The following RAMP1 variants were observed in gnomAD, a reference collection of about 807,000 sequenced individuals.
RAMP1 encodes the protein receptor activity modifying protein 1.
RAMP1 carries 7 observed loss-of-function variants against 8.2 expected under a neutral mutation model. That is an observed-to-expected ratio of 0.85 (90% CI 0.49 to 1.60). The LOEUF (loss-of-function observed/expected upper bound fraction) is 1.60. RAMP1 is among the 40% of genes most tolerant of loss of function. The pLI is 0.00. For missense variants in RAMP1, 192 were observed against 202.4 expected (o/e 0.95, Z 0.31); for synonymous variants, 92 against 84.7 (o/e 1.09, Z -0.47).
chr2:237,880,237 G>C (rs913653895), intron 2 of RAMP1, among the ~76,000 whole-genome samples: 22 of 152,184 alleles, frequency 1.4e-4, no homozygotes, highest in African/African-American at 5.3e-4. Flanking sequence ...GGAGATGCGG[G>C]ATCATCCCGG....
chr2:237,859,191 C>A (rs1010412778), upstream of RAMP1: 4 of 152,332 alleles, frequency 2.6e-5, no homozygotes, highest in Non-Finnish European at 5.9e-5. Flanking sequence ...TTTTGCCCCC[C>A]ACGCTCCCCA....
At chr2:237,899,497 G>A (rs1037045139) in intron 2 of RAMP1, among the ~76,000 whole-genome samples, 6 of 152,166 alleles carry the variant, frequency 3.9e-5, no homozygotes, top group South Asian at 2.1e-4. Flanking sequence ...TTAAAATGAC[G>A]GTACATTTTT....
intron 2 of RAMP1, among the ~76,000 whole-genome samples, chr2:237,892,276 CTTT>C (rs201847138): frequency 3.7e-5 from 5 of 134,360 alleles, no homozygotes; most frequent in Non-Finnish European, 6.2e-5. Context: ...TTCTTTCTTT[CTTT>C]TTTTTTTTTT....
chr2:237,863,072 C>T (rs1559933360), intron 1 of RAMP1, among the ~76,000 whole-genome samples: 2 of 152,130 alleles, frequency 1.3e-5, no homozygotes, highest in African/African-American at 4.8e-5. Flanking sequence ...CAGGGGGCTC[C>T]GAGAATGGCG....
At chr2:237,909,303 A>G (rs1484435028) in intron 2 of RAMP1, among the ~76,000 whole-genome samples, 2 of 152,154 alleles carry the variant, frequency 1.3e-5, no homozygotes, top group Non-Finnish European at 2.9e-5. Flanking sequence ...CTGTCTACAA[A>G]ACAATGGGTA....
In RAMP1 at chr2:237,911,953, C is replaced by A; in HGVS notation, c.*170C>A. 1.7e-6 allele frequency: 2 copies of A among 1,174,992 alleles called. No homozygotes were observed. Among genetic ancestry groups the A allele is most frequent in the Non-Finnish European group, 2.3e-6 (2 of 863,316 alleles). 72.8% of individuals were successfully genotyped at this position (1,174,992 alleles called of 1,614,324 possible). Reference sequence around the variant, plus strand: ...GAGTAGCCGAGGCTCTGGTATTAACCTGGAAGCCCCCCTGGCTGGAGGCCA... The same window carrying A: ...GAGTAGCCGAGGCTCTGGTATTAACATGGAAGCCCCCCTGGCTGGAGGCCA... On this transcript the variant is annotated 3_prime_UTR_variant, in exon 3 of 3. Transcript: ENST00000254661.
chr2:237,906,055 T>C (rs2062648073), intron 2 of RAMP1, among the ~76,000 whole-genome samples: 1 of 149,370 alleles, frequency 6.7e-6, no homozygotes, highest in Admixed American at 6.7e-5. Context: ...TGTTTAGCCC[T>C]GTAGTTGAGA....
At chr2:237,887,846 G>A (rs1004468662) in intron 2 of RAMP1, among the ~76,000 whole-genome samples, 4 of 152,192 alleles carry the variant, frequency 2.6e-5, no homozygotes, top group Non-Finnish European at 4.4e-5. Flanking sequence ...TGGGAGGATC[G>A]CCTCGGCCCA....
At chr2:237,885,673 C>T (rs1467450122) in intron 2 of RAMP1, among the ~76,000 whole-genome samples, 2 of 152,184 alleles carry the variant, frequency 1.3e-5, no homozygotes, top group African/African-American at 2.4e-5. Flanking sequence ...GGCCGCCCTC[C>T]CTGCCTACTG....
chr2:237,880,543 C>T (rs959021664), intron 2 of RAMP1, among the ~76,000 whole-genome samples: 3 of 152,148 alleles, frequency 2.0e-5, no homozygotes, highest in Non-Finnish European at 2.9e-5. Flanking sequence ...ATGGAACCCA[C>T]GGAACCATAC....
At chr2:237,897,367 T>A (rs2062551683) in intron 2 of RAMP1, among the ~76,000 whole-genome samples, 1 of 152,206 alleles carries the variant, frequency 6.6e-6, no homozygotes, top group Non-Finnish European at 1.5e-5. Flanking sequence ...GGCTGGCCAT[T>A]TTCTCCGGCT....
At chr2:237,863,874 C>T (rs1267461234) in intron 1 of RAMP1, among the ~76,000 whole-genome samples, 1 of 151,636 alleles carries the variant, frequency 6.6e-6, no homozygotes, top group Non-Finnish European at 1.5e-5. Flanking sequence ...CCCAAAACCC[C>T]AGGCCCCGGC....
At chr2:237,874,395 G>C (rs1304553953) in intron 1 of RAMP1, among the ~76,000 whole-genome samples, 1 of 152,232 alleles carries the variant, frequency 6.6e-6, no homozygotes, top group Non-Finnish European at 1.5e-5. Context: ...ACGGGGACTG[G>C]CTCTGCAGGG....
intron 2 of RAMP1, among the ~76,000 whole-genome samples, chr2:237,902,698 C>G (rs1192103265): frequency 6.6e-6 from 1 of 152,324 alleles, no homozygotes; most frequent in South Asian, 2.1e-4. Context: ...AGGGTCCCAG[C>G]CCTGCCTGCA....
At chr2:237,902,306 G>A (rs1281348480) in intron 2 of RAMP1, among the ~76,000 whole-genome samples, 1 of 147,998 alleles carries the variant, frequency 6.8e-6, no homozygotes, top group Non-Finnish European at 1.5e-5. Flanking sequence ...GGAGGAGGAG[G>A]GGCTGGGAGG....
rs563852512 is a variant in RAMP1, at chr2:237,877,491, G to T, written c.191+129G>T. On this transcript the variant is annotated intron_variant, in intron 2 of 2. Transcript: ENST00000254661. The surrounding 1 kb of genome is among the most constrained non-coding windows in gnomAD (Gnocchi z 4.4). Reference sequence around the variant, plus strand: ...CCCCGGAAGGGTTCTTCCCCCAGTGGGGGGGGCCGGGATGAAGACAGAGGA... The same window carrying T: ...CCCCGGAAGGGTTCTTCCCCCAGTGTGGGGGGCCGGGATGAAGACAGAGGA... 1.2e-5 allele frequency: 15 copies of T among 1,255,912 alleles called. No individual in the cohort carries two copies. The highest frequency in any genetic ancestry group is 1.5e-5 in the African/African-American group (1 of 66,522). 77.8% of individuals were successfully genotyped at this position (1,255,912 alleles called of 1,614,324 possible).
intron 1 of RAMP1, among the ~76,000 whole-genome samples, chr2:237,876,370 C>A (rs989956337): frequency 2.0e-5 from 3 of 152,164 alleles, no homozygotes; most frequent in African/African-American, 7.2e-5. Flanking sequence ...TCTCCCAGGG[C>A]AGCTCTGGCC....
At chr2:237,874,531 G>A (rs80327918) in intron 1 of RAMP1, 44,864 of 419,246 alleles carry the variant, frequency 0.11, 2,656 homozygotes, top group Middle Eastern at 0.2. Flanking sequence ...CAAGGATCCC[G>A]ACTGAGGCAC....
Position 237,886,218 on chromosome 2 carries a change from G to A in RAMP1, c.191+8856G>A, listed in dbSNP as rs148820314. Among the ~76,000 whole-genome samples, 1,346 of 152,312 alleles carry A rather than the reference G, an allele frequency of 8.8e-3. 58 individuals are homozygous for A. Among genetic ancestry groups the A allele is most frequent in the Admixed American group, 0.07 (1,064 of 15,308 alleles). The stretch of plus-strand genomic sequence containing the variant: ...GCCGGCCCTGCCCAGGCCGCCCCAC[G>A]GGGGTGTCGTTCCACCTTCCTGTAG... On this transcript the variant is annotated intron_variant, in intron 2 of 2. Coordinates refer to ENST00000254661, the MANE Select transcript of RAMP1 (RefSeq NM_005855.4).
Sources: allele counts gnomAD v4.1 joint callset (sites outside exome capture counted in the v4.1 genomes callset), GRCh38; gene constraint gnomAD v4.1.1; non-coding constraint Gnocchi (gnomAD v3.1); transcripts MANE v1.5; gene names NCBI Gene and HGNC (gene_info 2026-07-23, HGNC 2026-07-21).